SP3: variants seen among roughly 807,000 people sequenced by gnomAD.
SP3 encodes the protein transcription factor Sp3.
Under a neutral mutation model 70.3 loss-of-function variants are expected in SP3, and 10 were observed. The observed-to-expected ratio is 0.14, with a 90% CI of 0.09 to 0.24. The LOEUF (loss-of-function observed/expected upper bound fraction) is 0.24, where lower values mean the gene tolerates loss of function less well. Ranked by LOEUF, SP3 falls within the 10% of genes least tolerant of loss-of-function variation. SP3 has a pLI of 1.00. For missense variants in SP3, 825 were observed against 914.6 expected, an observed-to-expected ratio of 0.90 and a Z score of 1.26; for synonymous variants, 402 against 333.5, an observed-to-expected ratio of 1.21 and a Z score of -2.24.
At position 173,906,910 on chromosome 2, in the gene SP3, T is replaced by C. The variant is rs2105448876; in HGVS notation, c.*3031A>G. The stretch of plus-strand genomic sequence containing the variant: ...CTCCCCAGCAATTTCTAATGAACAA[T>C]ACTGTTTAAGAACTATTTTCTATGA... On this transcript the variant is annotated 3_prime_UTR_variant, in exon 7 of 7. Coordinates refer to ENST00000310015, the MANE Select transcript of SP3 (RefSeq NM_003111.5). 1 of 152,324 alleles carries C rather than the reference T, an allele frequency of 6.6e-6. No individual in the cohort carries two copies. The highest frequency in any genetic ancestry group is 2.1e-4 in the South Asian group (1 of 4,832). The allele number at this position is 152,324 out of a possible 1,614,324, so 9.4% of individuals were successfully genotyped here. A position where few individuals can be genotyped will look rare whatever the true frequency, so the allele number is the denominator to read the frequency against.
In SP3 at chr2:173,964,530, CTT is replaced by C; in HGVS notation, c.29_30del (p.Gln10ArgfsTer10). On this transcript the variant is annotated frameshift_variant, in exon 2 of 7. Transcript: ENST00000310015. LOFTEE classifies it high-confidence loss of function. Reference sequence around the variant, plus strand: ...TCCACGTCCAAGGCAGCCATTTCCTCTTGTTTCACGGGCTTTTCGGGAGCTGC... The same window carrying C: ...TCCACGTCCAAGGCAGCCATTTCCTCGTTTCACGGGCTTTTCGGGAGCTGC... MTAPEKPVKQEEMAALDVDS... is the reference protein window; with the variant it reads MTAPEKPVKXEEMAALDVDS... The C allele has an allele frequency of 2.0e-6, 1 of 488,530 alleles. No individual in the cohort carries two copies. Among genetic ancestry groups the C allele is most frequent in the East Asian group, 5.8e-5 (1 of 17,246 alleles). 30.3% of individuals were successfully genotyped at this position (488,530 alleles called of 1,614,324 possible). A position where few individuals can be genotyped will look rare whatever the true frequency, so the allele number is the denominator to read the frequency against.
chr2:173,909,938 T>TATTTACTCC lies in SP3; in HGVS notation c.2340_*2dup. 6.2e-7 allele frequency: 1 copy of TATTTACTCC among 1,607,816 alleles called. No homozygotes were observed. Among genetic ancestry groups the TATTTACTCC allele is most frequent in the Non-Finnish European group, 8.5e-7 (1 of 1,174,412 alleles). On this transcript the variant is annotated 3_prime_UTR_variant, in exon 7 of 7. Transcript: ENST00000310015. ...CCACAATGAATAAGTATTTGTGTAA[T>TATTTACTCC]ATTTACTCCATTGTCTCATTTCCAG...
chr2:173,910,657 T>TG (rs1173063142), intron 6 of SP3, among the ~76,000 whole-genome samples: 1 of 152,188 alleles, frequency 6.6e-6, no homozygotes, highest in African/African-American at 2.4e-5. Flanking sequence ...TAACATGCCA[T>TG]GTTCATGATA....
chr2:173,933,128 C>A (rs1244597301), intron 4 of SP3, among the ~76,000 whole-genome samples: 1 of 151,976 alleles, frequency 6.6e-6, no homozygotes, highest in Non-Finnish European at 1.5e-5. Flanking sequence ...GAGGTTGCCA[C>A]ATTCTTCATT....
Position 173,964,315 on chromosome 2 carries a change from G to A in SP3, c.156+90C>T, listed in dbSNP as rs1559113576. ...TGGAGGGGAGGGGAGAGACGAGGAG[G>A]GAGGGGTGAGGCGAGGAGGGAGGGG... On this transcript the variant is annotated intron_variant, in intron 2 of 6. Coordinates refer to ENST00000310015, the MANE Select transcript of SP3 (RefSeq NM_003111.5). 1.2e-5 allele frequency: 7 copies of A among 600,644 alleles called. No individual in the cohort carries two copies. The East Asian group carries it at 1.3e-4, about 11-fold the overall frequency. 37.2% of individuals were successfully genotyped at this position (600,644 alleles called of 1,614,324 possible). A position where few individuals can be genotyped will look rare whatever the true frequency, so the allele number is the denominator to read the frequency against.
chr2:173,947,005 G>A (rs1195274531), intron 4 of SP3, among the ~76,000 whole-genome samples: 1 of 152,044 alleles, frequency 6.6e-6, no homozygotes, highest in Non-Finnish European at 1.5e-5. Flanking sequence ...TTAGAGGCAT[G>A]AGCCACCATA....
At chr2:173,946,716 T>C (rs1690550135) in intron 4 of SP3, among the ~76,000 whole-genome samples, 1 of 149,328 alleles carries the variant, frequency 6.7e-6, no homozygotes, top group African/African-American at 2.5e-5. Flanking sequence ...AAAAGAAAGA[T>C]CTGCCTTTTT....
At chr2:173,918,834 C>A (rs1574400121) in intron 4 of SP3, 49 bp from the exon 5 acceptor site, 3 of 1,497,984 alleles carry the variant, frequency 2.0e-6, no homozygotes, top group African/African-American at 1.4e-5. Context: ...CCAAATGGCC[C>A]AAAAAGACAG....
intron 4 of SP3, among the ~76,000 whole-genome samples, chr2:173,920,536 G>A (rs1230182408): frequency 1.3e-5 from 2 of 151,760 alleles, no homozygotes; most frequent in South Asian, 4.2e-4. Context: ...AGGGGCGGGG[G>A]GTAAGGTATA....
At chr2:173,956,639 T>C (rs1690903135) in intron 3 of SP3, among the ~76,000 whole-genome samples, 1 of 152,182 alleles carries the variant, frequency 6.6e-6, no homozygotes, top group Non-Finnish European at 1.5e-5. Flanking sequence ...TTAGAAAAGA[T>C]TTATTGCTAT....
At chr2:173,916,195 T>C (rs908457741) in intron 5 of SP3, 1 of 152,086 alleles carries the variant, frequency 6.6e-6, no homozygotes, top group Non-Finnish European at 1.5e-5. Flanking sequence ...GAATCTCAAT[T>C]TTTATTGCTT....
In SP3 at chr2:173,955,258, T is replaced by G; in HGVS notation, c.1254A>C (p.Pro418=). The part of the protein sequence containing the change: ...SQAQIVQGIT[P]QTIHGVQASG... ...TGGCTTGCACACCATGGATTGTCTG[T>G]GGTGTAATACCTTGCACAATTTGGG... is the stretch of plus-strand genomic sequence containing the variant. The change falls in exon 4 of 7, where the codon CCA becomes CCC. Residue 418 remains proline (P), a synonymous_variant. Coordinates refer to ENST00000310015, the MANE Select transcript of SP3 (RefSeq NM_003111.5). 3.1e-6 allele frequency: 5 copies of G among 1,614,154 alleles called. No individual in the cohort carries two copies. The highest frequency in any genetic ancestry group is 4.2e-6 in the Non-Finnish European group (5 of 1,180,022).
At chr2:173,943,609 G>A (rs914285942) in intron 4 of SP3, among the ~76,000 whole-genome samples, 1 of 152,118 alleles carries the variant, frequency 6.6e-6, no homozygotes, top group Non-Finnish European at 1.5e-5. Flanking sequence ...GGAATTAAAG[G>A]CATGAACCAC....
At chr2:173,961,779 G>A (rs1691087935) in intron 3 of SP3, among the ~76,000 whole-genome samples, 1 of 152,034 alleles carries the variant, frequency 6.6e-6, no homozygotes, top group African/African-American at 2.4e-5. Flanking sequence ...AAGATGTGCT[G>A]AAAAGATGTC....
intron 4 of SP3, among the ~76,000 whole-genome samples, chr2:173,947,565 TTTA>T (rs1181991599): frequency 6.6e-6 from 1 of 152,206 alleles, no homozygotes; most frequent in Non-Finnish European, 1.5e-5. Context: ...TTTTTCCGTA[TTTA>T]TTGTTTTTGT....
At chr2:173,934,837 A>G (rs1471993189) in intron 4 of SP3, among the ~76,000 whole-genome samples, 1 of 152,236 alleles carries the variant, frequency 6.6e-6, no homozygotes, top group Non-Finnish European at 1.5e-5. Context: ...AAATAAATAC[A>G]TTCTATTCCA....
At position 173,907,029 on chromosome 2, in the gene SP3, G is replaced by C. The variant is rs1689345739; in HGVS notation, c.*2912C>G. Reference sequence around the variant, plus strand: ...TTGAAAGACCAAAGTTATTTACAGGGCATCTGACTTTCTGCGGTAGGTGTA... The same window carrying C: ...TTGAAAGACCAAAGTTATTTACAGGCCATCTGACTTTCTGCGGTAGGTGTA... On this transcript the variant is annotated 3_prime_UTR_variant, in exon 7 of 7. Transcript: ENST00000310015. The C allele has an allele frequency of 6.6e-6, 1 of 152,130 alleles. No individual in the cohort carries two copies. Among genetic ancestry groups the C allele is most frequent in the Non-Finnish European group, 1.5e-5 (1 of 68,010 alleles). The allele number at this position is 152,130 out of a possible 1,614,324, so 9.4% of individuals were successfully genotyped here.
chr2:173,939,993 C>T (rs1690320076), intron 4 of SP3, among the ~76,000 whole-genome samples: 1 of 152,072 alleles, frequency 6.6e-6, no homozygotes, highest in South Asian at 2.1e-4. Context: ...CCATCTCCGC[C>T]TCTCTGAGCA....
intron 4 of SP3, among the ~76,000 whole-genome samples, chr2:173,936,523 C>A (rs2105477767): frequency 6.6e-6 from 1 of 152,340 alleles, no homozygotes; most frequent in Middle Eastern, 3.4e-3. Flanking sequence ...TGTGTCCTAT[C>A]AGCCACCAGT....
Sources: allele counts gnomAD v4.1 joint callset (sites outside exome capture counted in the v4.1 genomes callset), GRCh38; gene constraint gnomAD v4.1.1; transcripts MANE v1.5; gene names NCBI Gene and HGNC (gene_info 2026-07-23, HGNC 2026-07-21).